GPHN: variants seen among roughly 807,000 people sequenced by gnomAD.
GPHN encodes gephyrin.
A neutral mutation model predicts 95.5 loss-of-function variants in GPHN; 17 were observed. That is an observed-to-expected ratio of 0.18 (90% confidence interval 0.12 to 0.27). GPHN has a LOEUF of 0.27. GPHN is among the 10% of genes least tolerant of loss of function. The probability of loss-of-function intolerance (pLI) is 1.00; values close to 1 mark genes in which losing one functional copy is unlikely to be tolerated. For synonymous variants in GPHN, 320 were observed against 322.5 expected, an observed-to-expected ratio of 0.99 and a Z score of 0.08; for missense variants, 660 against 978.1, an observed-to-expected ratio of 0.67 and a Z score of 4.34.
downstream of GPHN, among the ~76,000 whole-genome samples, chr14:67,186,299 G>A (rs956289761): frequency 6.6e-6 from 1 of 152,154 alleles, no homozygotes; most frequent in Non-Finnish European, 1.5e-5. Flanking sequence ...ATGCAGTGAC[G>A]TGTTAGACAG....
chr14:67,363,510 G>A, the GPHN span, among the ~76,000 whole-genome samples: 1 of 152,108 alleles, frequency 6.6e-6, no homozygotes, highest in Non-Finnish European at 1.5e-5. Context: ...AGTTTTGAGA[G>A]AATATAGTCT....
chr14:67,484,644 C>G, the GPHN span, among the ~76,000 whole-genome samples: 1 of 152,076 alleles, frequency 6.6e-6, no homozygotes, highest in Non-Finnish European at 1.5e-5. Flanking sequence ...CATTCATAGG[C>G]CGGGCATGGG....
chr14:67,221,956 G>C, the GPHN span: 1 of 977,310 alleles, frequency 1.0e-6, no homozygotes, highest in Non-Finnish European at 1.5e-6. Context: ...TCCATTCTGA[G>C]AATCCTATAC....
chr14:67,656,262 T>G, the GPHN span: 2 of 680,062 alleles, frequency 2.9e-6, no homozygotes, highest in Non-Finnish European at 4.1e-6. Context: ...AAAAAAAAAA[T>G]TAATAAATAA....
the GPHN span, chr14:67,352,898 C>A: frequency 6.7e-7 from 1 of 1,496,662 alleles, no homozygotes; most frequent in Non-Finnish European, 9.2e-7. Context: ...AAAATAAATA[C>A]TATTCTAAGA....
chr14:67,156,803 C>G (rs1411929376), intron 18 of GPHN, among the ~76,000 whole-genome samples: 1 of 151,810 alleles, frequency 6.6e-6, no homozygotes, highest in African/African-American at 2.4e-5. Context: ...GTAATGAAAC[C>G]TCGTCTCTAT....
the GPHN span, among the ~76,000 whole-genome samples, chr14:67,428,052 G>A: frequency 6.6e-6 from 1 of 151,918 alleles, no homozygotes; most frequent in Admixed American, 6.6e-5. Context: ...CTCCTGAGTA[G>A]CTGGGATTAG....
chr14:67,331,464 A>G, the GPHN span, among the ~76,000 whole-genome samples: 1 of 152,064 alleles, frequency 6.6e-6, no homozygotes, highest in Non-Finnish European at 1.5e-5. Context: ...AATGTAACCA[A>G]CCGGTTATCT....
chr14:66,806,940 C>T (rs890399772), intron 3 of GPHN, among the ~76,000 whole-genome samples: 1 of 152,122 alleles, frequency 6.6e-6, no homozygotes, highest in Non-Finnish European at 1.5e-5. Context: ...ACAGCAGTGC[C>T]CCACTCTACT....
At chr14:66,938,863 G>T (rs1042122738) in intron 8 of GPHN, among the ~76,000 whole-genome samples, 3 of 152,154 alleles carry the variant, frequency 2.0e-5, no homozygotes, top group Non-Finnish European at 4.4e-5. Flanking sequence ...AAAGAGTTTT[G>T]ATCAGTATCC....
At chr14:67,341,393 C>T in the GPHN span, among the ~76,000 whole-genome samples, 1 of 151,858 alleles carries the variant, frequency 6.6e-6, no homozygotes, top group Non-Finnish European at 1.5e-5. Context: ...AGCCCCTCCG[C>T]CCGGCAGCCG....
intron 1 of GPHN, among the ~76,000 whole-genome samples, chr14:66,616,882 A>G (rs991295007): frequency 6.6e-6 from 1 of 151,978 alleles, no homozygotes; most frequent in Non-Finnish European, 1.5e-5. Context: ...TAATTTTTGT[A>G]TTTTTAGTAG....
chr14:67,244,539 C>A, the GPHN span, among the ~76,000 whole-genome samples: 1 of 152,194 alleles, frequency 6.6e-6, no homozygotes, highest in Non-Finnish European at 1.5e-5. Flanking sequence ...ACAATTCCAA[C>A]TCAGAGAGCT....
At chr14:66,927,080 G>T (rs554767210) in intron 8 of GPHN, among the ~76,000 whole-genome samples, 1 of 152,034 alleles carries the variant, frequency 6.6e-6, no homozygotes, top group Non-Finnish European at 1.5e-5. Context: ...TTGGCCAGGC[G>T]TGGTGGCTTA....
chr14:66,693,426 TGATA>T (rs749396003), intron 2 of GPHN, among the ~76,000 whole-genome samples: 14 of 152,170 alleles, frequency 9.2e-5, no homozygotes, highest in East Asian at 1.9e-4. Context: ...ATTGATTGAT[TGATA>T]GATAGATAGG....
At chr14:66,685,846 C>G (rs1402195021) in intron 2 of GPHN, among the ~76,000 whole-genome samples, 2 of 152,126 alleles carry the variant, frequency 1.3e-5, no homozygotes, top group Non-Finnish European at 2.9e-5. Flanking sequence ...AATGGTATTG[C>G]CTAGGTTTTC....
chr14:67,517,706 T>C, the GPHN span, among the ~76,000 whole-genome samples: 1 of 152,152 alleles, frequency 6.6e-6, no homozygotes, highest in Non-Finnish European at 1.5e-5. Context: ...CCCAAAAAAA[T>C]TTAGATAGTA....
At position 66,991,716 on chromosome 14, in the gene GPHN, C is replaced by T. The variant is rs1273842868; in HGVS notation, c.963+26391C>T. On this transcript the variant is annotated intron_variant, in intron 9 of 22. Transcript: ENST00000478722. ...AAAAACCTCCTGTCTACTAAAAATA[C>T]AAAAAATTAGCCAGGCATGGTGGCA... Among the ~76,000 whole-genome samples the T allele has an allele frequency of 2.4e-4, 36 of 149,838 alleles. 1 individual carries two copies. Among genetic ancestry groups the T allele is most frequent in the Non-Finnish European group, 3.0e-5 (2 of 67,380 alleles).
chr14:67,409,860 C>A, the GPHN span, among the ~76,000 whole-genome samples: 1 of 152,180 alleles, frequency 6.6e-6, no homozygotes, highest in Non-Finnish European at 1.5e-5. Flanking sequence ...ATGCTATTGC[C>A]ATCTAAGAGT....
Sources: gnomAD v4.1 joint callset for allele counts (sites outside exome capture counted in the v4.1 genomes callset) on GRCh38, gnomAD v4.1.1 for gene constraint, MANE v1.5 for transcripts, NCBI Gene and HGNC (gene_info 2026-07-23, HGNC 2026-07-21) for gene names.